CC2D1A: variants seen among roughly 807,000 people sequenced by gnomAD.
CC2D1A encodes the protein coiled-coil and C2 domain-containing protein 1A.
CC2D1A carries 68 observed loss-of-function variants against 123.8 expected under a neutral mutation model. That is an observed-to-expected ratio of 0.55 (90% CI 0.45 to 0.67). CC2D1A has a LOEUF of 0.67. Ranked by LOEUF, CC2D1A falls within the 30% of genes least tolerant of loss-of-function variation. The pLI is 0.00. For missense variants in CC2D1A, 1,185 were observed against 1,290.3 expected, an observed-to-expected ratio of 0.92 and a Z score of 1.25; for synonymous variants, 477 against 528.0, an observed-to-expected ratio of 0.90 and a Z score of 1.32.
chr19:13,926,077 C>T (rs879411080), intron 17 of CC2D1A, among the ~76,000 whole-genome samples: 6 of 132,826 alleles, frequency 4.5e-5, no homozygotes, highest in Non-Finnish European at 7.7e-5. Flanking sequence ...CACACACACA[C>T]ACACACACAC....
Position 13,913,159 on chromosome 19 carries a change from C to G in CC2D1A, c.379-9C>G. On this transcript the variant is annotated splice_polypyrimidine_tract_variant and intron_variant, in intron 4 of 28. Coordinates refer to ENST00000318003, the MANE Select transcript of CC2D1A (RefSeq NM_017721.5). ...TCACCACCCACACTGTGCCCCTGCC[C>G]TCCCACAGCCGAAGCCTGAGGCCCC... is the stretch of plus-strand genomic sequence containing the variant. 1 of 1,599,224 alleles carries G rather than the reference C, an allele frequency of 6.3e-7. No homozygotes were observed. Among genetic ancestry groups the G allele is most frequent in the Non-Finnish European group, 8.5e-7 (1 of 1,174,152 alleles).
chr19:13,912,274 G>A (rs747887361), intron 2 of CC2D1A, 49 bp from the exon 3 acceptor site: 128 of 1,526,516 alleles, frequency 8.4e-5, no homozygotes, highest in Non-Finnish European at 1.1e-4. Context: ...GGAAATGGGG[G>A]CTCTTGGTGT....
At chr19:13,916,672 A>G (rs572129899) in intron 6 of CC2D1A, among the ~76,000 whole-genome samples, 15 of 152,336 alleles carry the variant, frequency 9.8e-5, no homozygotes, top group Admixed American at 8.5e-4. Flanking sequence ...TTTAACAATG[A>G]AAGATTTATA....
chr19:13,919,566 C>T (rs1599392507), intron 11 of CC2D1A: 1 of 377,638 alleles, frequency 2.6e-6, no homozygotes, highest in Non-Finnish European at 4.7e-6. Context: ...GGCAAGACCC[C>T]GTGGCTACAA....
chr19:13,928,047 C>T lies in CC2D1A; in HGVS notation c.2454+17C>T, dbSNP rs142154725. 1 of 1,613,054 alleles carries T rather than the reference C, an allele frequency of 6.2e-7. No homozygotes were observed. The highest frequency in any genetic ancestry group is 8.5e-7 in the Non-Finnish European group (1 of 1,179,422). On this transcript the variant is annotated intron_variant, in intron 23 of 28. Transcript: ENST00000318003. ...GTGCCCACAGTGAGACCCCCCACCC[C>T]CACCCATCAGCAACCCCAGGGAGGG...
In CC2D1A at chr19:13,920,745, C is replaced by T. The variant is rs751921655; in HGVS notation, c.1469-5C>T. 6.2e-6 allele frequency: 10 copies of T among 1,612,862 alleles called. No individual in the cohort carries two copies. Among genetic ancestry groups the T allele is most frequent in the Admixed American group, 1.7e-5 (1 of 59,854 alleles). ...CAGCACCCATAGCAGCTCCTATGCC[C>T]ACAGCCCAGCAGCAGCTGGCCTTCC... On this transcript the variant is annotated splice_region_variant and splice_polypyrimidine_tract_variant and intron_variant, in intron 13 of 28. Coordinates refer to ENST00000318003, the MANE Select transcript of CC2D1A (RefSeq NM_017721.5).
rs1305063617 is a variant in CC2D1A, at chr19:13,923,640, C to T, written c.1823+34C>T. ...CCTGACCTGTGCCAGACACTTGCAC[C>T]CCCAGCCACCCATCCCCAGGGCCAG... On this transcript the variant is annotated intron_variant, in intron 16 of 28. Transcript: ENST00000318003. The surrounding 1 kb of genome is among the most constrained non-coding windows in gnomAD (Gnocchi z 5.3). The T allele has an allele frequency of 1.9e-6, 3 of 1,613,336 alleles. No individual in the cohort carries two copies. The highest frequency in any genetic ancestry group is 2.2e-5 in the South Asian group (2 of 91,078).
At chr19:13,910,295 C>T (rs950544523) in intron 2 of CC2D1A, among the ~76,000 whole-genome samples, 1 of 150,040 alleles carries the variant, frequency 6.7e-6, no homozygotes. Context: ...GTAGTCCCAG[C>T]TACTCAGGAG....
chr19:13,915,269 G>A (rs976794462), intron 6 of CC2D1A, among the ~76,000 whole-genome samples: 2 of 152,084 alleles, frequency 1.3e-5, no homozygotes, highest in Non-Finnish European at 2.9e-5. Context: ...TTTTTGAGAC[G>A]GAGTCTCGCT....
At position 13,911,532 on chromosome 19, in the gene CC2D1A, GT is replaced by G. The variant is rs369120334; in HGVS notation, c.197-789del. On this transcript the variant is annotated intron_variant, in intron 2 of 28. Transcript: ENST00000318003. ...CAGAGCTGGGGTTTTTTTTGTTGTTGTTGTGTGTGTGTGTTTTTTTTTTTTT... is the reference window on the plus strand; with the variant it reads ...CAGAGCTGGGGTTTTTTTTGTTGTTGTGTGTGTGTGTGTTTTTTTTTTTTT... Among the ~76,000 whole-genome samples the G allele has an allele frequency of 5.7e-3, 837 of 145,942 alleles. 3 individuals carry two copies. Among genetic ancestry groups the G allele is most frequent in the African/African-American group, 0.021 (798 of 37,710 alleles).
At chr19:13,927,810 C>G in intron 22 of CC2D1A, 83 bp from the exon 23 acceptor site, 1 of 1,372,838 alleles carries the variant, frequency 7.3e-7, no homozygotes, top group Admixed American at 2.2e-5. Flanking sequence ...AAAAAAAAAC[C>G]AGTCTTGTTC....
chr19:13,912,746 A>T (rs781179324), intron 4 of CC2D1A, among the ~76,000 whole-genome samples, 153 bp downstream of exon 4: 2 of 152,090 alleles, frequency 1.3e-5, no homozygotes, highest in Non-Finnish European at 2.9e-5. Flanking sequence ...TCTGCCTCCC[A>T]GGTTCAAGGG....
At chr19:13,908,054 G>A (rs978789789) in intron 1 of CC2D1A, among the ~76,000 whole-genome samples, 14 of 152,170 alleles carry the variant, frequency 9.2e-5, no homozygotes, top group Non-Finnish European at 7.3e-5. Context: ...GCCCCAGGCT[G>A]GAGTGCAGTG....
rs181448059 is a variant in CC2D1A, at chr19:13,914,188, C to A, written c.748+550C>A. 2.6e-4 allele frequency among the ~76,000 whole-genome samples: 39 copies of A among 151,200 alleles called. 1 individual carries two copies. In the East Asian group the frequency reaches 6.3e-3, roughly 24 times the overall value. ...CCACTGTGCCCGGCTTTTTTTAATT[C>A]TTTGAGACAGGGTCTTACTCCATCA... On this transcript the variant is annotated intron_variant, in intron 6 of 28. Coordinates refer to ENST00000318003, the MANE Select transcript of CC2D1A (RefSeq NM_017721.5).
chr19:13,919,847 A>G lies in CC2D1A; in HGVS notation c.1252A>G (p.Thr418Ala). 1 of 1,610,416 alleles carries G rather than the reference A, an allele frequency of 6.2e-7. No homozygotes were observed. The highest frequency in any genetic ancestry group is 8.5e-7 in the Non-Finnish European group (1 of 1,178,116). Residue 418 changes from threonine (T) to alanine (A), a missense_variant, in exon 12 of 29, where the codon ACC (threonine) becomes GCC (alanine). Coordinates refer to ENST00000318003, the MANE Select transcript of CC2D1A (RefSeq NM_017721.5). ...GFPPIQGLEATKPTQQSLVGV... is the reference protein window; with the variant it reads ...GFPPIQGLEAAKPTQQSLVGV... ...CCCCCCAATCCAGGGCCTGGAGGCC[A>G]CCAAGCCCACCCAGCAGAGTCTGGT...
At chr19:13,920,523 C>T (rs368682633) in intron 12 of CC2D1A, 34 bp from the exon 13 acceptor site, 56 of 1,307,624 alleles carry the variant, frequency 4.3e-5, no homozygotes, top group African/African-American at 1.9e-4. Context: ...ACAGGCGCTA[C>T]GAAATCTCTA....
intron 24 of CC2D1A, among the ~76,000 whole-genome samples, chr19:13,928,776 T>G (rs1205539889): frequency 6.8e-6 from 1 of 146,678 alleles, no homozygotes; most frequent in East Asian, 2.1e-4. Context: ...TGGCGCGATC[T>G]CAGCTCACAG....
intron 11 of CC2D1A, 29 bp downstream of exon 11, chr19:13,919,231 C>A: frequency 6.4e-7 from 1 of 1,558,232 alleles, no homozygotes; most frequent in Non-Finnish European, 8.7e-7. Flanking sequence ...GGCCTCGCCC[C>A]AGTAGGCCCC....
chr19:13,908,828 A>AGCCT lies in CC2D1A; in HGVS notation c.61-992_61-989dup. 1.3e-5 allele frequency among the ~76,000 whole-genome samples: 2 copies of AGCCT among 152,254 alleles called. 1 individual carries two copies. The highest frequency in any genetic ancestry group is 1.3e-4 in the Admixed American group (2 of 15,270). On this transcript the variant is annotated intron_variant, in intron 1 of 28. Coordinates refer to ENST00000318003, the MANE Select transcript of CC2D1A (RefSeq NM_017721.5). ...TAGCTTTGCTTTGGGCAAAGTGTGG[A>AGCCT]GCCTGCTTCCTTCCCTCCTTCCCTC...
Sources: allele counts gnomAD v4.1 joint callset (sites outside exome capture counted in the v4.1 genomes callset), GRCh38; gene constraint gnomAD v4.1.1; non-coding constraint Gnocchi (gnomAD v3.1); transcripts MANE v1.5; gene names NCBI Gene and HGNC (gene_info 2026-07-23, HGNC 2026-07-21).